QSOX1: variants seen among roughly 807,000 people sequenced by gnomAD.
The protein encoded by QSOX1 is quiescin sulfhydryl oxidase 1, also known as sulfhydryl oxidase 1.
QSOX1 carries 40 observed loss-of-function variants against 76.1 expected under a neutral mutation model. The ratio of observed to expected loss-of-function variants is 0.53; its 90% CI spans 0.41 to 0.68. QSOX1 has a LOEUF of 0.68. QSOX1 is among the 30% of genes least tolerant of loss of function. The pLI is 0.00. For missense variants in QSOX1, 931 were observed against 974.3 expected, an observed-to-expected ratio of 0.96 and a Z score of 0.59; for synonymous variants, 392 against 413.1, an observed-to-expected ratio of 0.95 and a Z score of 0.62.
rs1241151072 is a variant in QSOX1, at chr1:180,199,681, C to T, written c.*2644C>T. The T allele has an allele frequency of 6.6e-6, 1 of 151,998 alleles. No homozygotes were observed. Among genetic ancestry groups the T allele is most frequent in the Non-Finnish European group, 1.5e-5 (1 of 68,038 alleles). 9.4% of individuals were successfully genotyped at this position (151,998 alleles called of 1,614,324 possible). ...CGTGGTCCCTGCTGCTATGGGGCTT[C>T]CGTTCTAGAGGCAAGGACAGGTTGT... On this transcript the variant is annotated 3_prime_UTR_variant, in exon 12 of 12. Transcript: ENST00000367602.
intron 1 of QSOX1, among the ~76,000 whole-genome samples, chr1:180,155,694 T>C (rs1572034917): frequency 1.3e-5 from 2 of 152,350 alleles, no homozygotes; most frequent in East Asian, 1.9e-4. Flanking sequence ...GACCAGGTGG[T>C]ACATAGACTT....
intron 2 of QSOX1, among the ~76,000 whole-genome samples, chr1:180,173,428 A>G (rs1218100751): frequency 1.3e-5 from 2 of 152,282 alleles, no homozygotes; most frequent in Non-Finnish European, 2.9e-5. Flanking sequence ...TAATTTTAAT[A>G]GGCCAATAAA....
chr1:180,169,243 C>T (rs1479744859), intron 2 of QSOX1, among the ~76,000 whole-genome samples: 1 of 152,218 alleles, frequency 6.6e-6, no homozygotes, highest in Non-Finnish European at 1.5e-5. Flanking sequence ...AACCTAGAGG[C>T]TGGAACTTCC....
chr1:180,190,669 A>C, intron 10 of QSOX1, 89 bp downstream of exon 10: 1 of 1,443,512 alleles, frequency 6.9e-7, no homozygotes, highest in Non-Finnish European at 9.4e-7. Flanking sequence ...AGCTCCCTTG[A>C]ATTGCCCCAC....
intron 1 of QSOX1, among the ~76,000 whole-genome samples, chr1:180,159,435 T>TA: frequency 6.6e-6 from 1 of 152,342 alleles, no homozygotes; most frequent in Non-Finnish European, 1.5e-5. Context: ...CATCTCCTGT[T>TA]ACTTGTCAAA....
In QSOX1 at chr1:180,183,971, A is replaced by T; in HGVS notation, c.808A>T (p.Thr270Ser). The T allele has an allele frequency of 6.2e-7, 1 of 1,613,640 alleles. No homozygotes were observed. Among genetic ancestry groups the T allele is most frequent in the Admixed American group, 1.7e-5 (1 of 60,016 alleles). ...TTACCTGCAGAGACTCTCTGGGCTCACCAGGGAGGCTGCCCAGACCACAGT... is the reference window on the plus strand; with the variant it reads ...TTACCTGCAGAGACTCTCTGGGCTCTCCAGGGAGGCTGCCCAGACCACAGT... ...TAYLQRLSGL[T>S]REAAQTTVAP... Residue 270 changes from threonine (T) to serine (S), a missense_variant, in exon 7 of 12, where the codon ACC becomes TCC. By Grantham distance (58) the Thr-to-Ser change is moderately conservative. Coordinates refer to ENST00000367602, the MANE Select transcript of QSOX1 (RefSeq NM_002826.5).
rs1663654162 is a variant in QSOX1 at position 180,202,383 on chromosome 1, A to C, written c.*5346A>C. ...TTAAACCTCCTGCCTCCCCTGCTGC[A>C]GTGCTTTGATGCCTTTCACCTGTGT... On this transcript the variant is annotated 3_prime_UTR_variant, in exon 12 of 12. Coordinates refer to ENST00000367602, the MANE Select transcript of QSOX1 (RefSeq NM_002826.5). The C allele has an allele frequency of 6.6e-6, 1 of 152,252 alleles. No homozygotes were observed. The highest frequency in any genetic ancestry group is 1.5e-5 in the Non-Finnish European group (1 of 68,084). The allele number at this position is 152,252 out of a possible 1,614,324, so 9.4% of individuals were successfully genotyped here.
intron 6 of QSOX1, 28 bp from the exon 7 acceptor site, chr1:180,183,888 T>C: frequency 6.2e-7 from 1 of 1,601,344 alleles, no homozygotes; most frequent in Non-Finnish European, 8.5e-7. Context: ...ACTTACTGCC[T>C]CTCCTCCCTG....
At chr1:180,167,612 G>A (rs544310277) in intron 2 of QSOX1, among the ~76,000 whole-genome samples, 2 of 152,280 alleles carry the variant, frequency 1.3e-5, no homozygotes, top group African/African-American at 4.8e-5. Flanking sequence ...CGAGCCCAGT[G>A]CAACCCCCAC....
At chr1:180,193,420 A>G (rs7542624) in intron 10 of QSOX1, among the ~76,000 whole-genome samples, 42,121 of 151,020 alleles carry the variant, frequency 0.28, 6,262 homozygotes, top group East Asian at 0.46. Flanking sequence ...TGCGGGTCTC[A>G]CCTTGCCAGG....
At chr1:180,166,219 C>T (rs1160942053) in intron 1 of QSOX1, among the ~76,000 whole-genome samples, 1 of 152,166 alleles carries the variant, frequency 6.6e-6, no homozygotes, top group Non-Finnish European at 1.5e-5. Flanking sequence ...TCCCTGGCCC[C>T]GATTAGTAAT....
At chr1:180,191,380 C>T (rs527808306) in intron 10 of QSOX1, among the ~76,000 whole-genome samples, 2 of 152,212 alleles carry the variant, frequency 1.3e-5, no homozygotes, top group Admixed American at 6.5e-5. Context: ...CGAGGCCTTA[C>T]GGGGTGAGTT....
In QSOX1 at chr1:180,183,954, A is replaced by C. The variant is rs754761140; in HGVS notation, c.791A>C (p.Gln264Pro). The C allele has an allele frequency of 6.2e-7, 1 of 1,613,782 alleles. No homozygotes were observed. Among genetic ancestry groups the C allele is most frequent in the African/African-American group, 1.3e-5 (1 of 75,020 alleles). Reference sequence around the variant, plus strand: ...AGGTCCTTCTATACCGCTTACCTGCAGAGACTCTCTGGGCTCACCAGGGAG... The same window carrying C: ...AGGTCCTTCTATACCGCTTACCTGCCGAGACTCTCTGGGCTCACCAGGGAG... ...ESRSFYTAYL[Q>P]RLSGLTREAA... is the part of the protein sequence containing the mutation. Residue 264 changes from glutamine (Q) to proline (P), a missense_variant, in exon 7 of 12, where the codon CAG becomes CCG. Physicochemically the swap from Gln to Pro is moderately conservative, Grantham distance 76. Coordinates refer to ENST00000367602, the MANE Select transcript of QSOX1 (RefSeq NM_002826.5).
chr1:180,173,932 G>A (rs771853882), intron 2 of QSOX1, among the ~76,000 whole-genome samples: 3 of 152,176 alleles, frequency 2.0e-5, no homozygotes, highest in African/African-American at 4.8e-5. Flanking sequence ...CAGTTGATGC[G>A]TTGCCCAAGG....
At chr1:180,194,097 C>T (rs1663395284) in intron 10 of QSOX1, 116 bp from the exon 11 acceptor site, 2 of 870,084 alleles carry the variant, frequency 2.3e-6, no homozygotes, top group African/African-American at 1.7e-5. Context: ...GGGTGTGTGG[C>T]ACCTGTGCAG....
intron 4 of QSOX1, 119 bp downstream of exon 4, chr1:180,176,152 T>G: frequency 3.8e-6 from 3 of 779,608 alleles, no homozygotes; most frequent in South Asian, 3.4e-5. Flanking sequence ...TGCCTTTGCC[T>G]GTGGGGCTCA....
rs535018432 is a variant in QSOX1 at position 180,183,755 on chromosome 1, G to GC, written c.753-159dup. 4.3e-3 allele frequency among the ~76,000 whole-genome samples: 654 copies of GC among 152,338 alleles called. 3 individuals are homozygous for GC. Among genetic ancestry groups the GC allele is most frequent in the Middle Eastern group, 0.01 (3 of 294 alleles). On this transcript the variant is annotated intron_variant, in intron 6 of 11. Transcript: ENST00000367602. Reference sequence around the variant, plus strand: ...AGAAGGGTTACAGCGAGGCCTGGGTGCCGTCTTCTGGCCTCACAGAGGACA... The same window carrying GC: ...AGAAGGGTTACAGCGAGGCCTGGGTGCCCGTCTTCTGGCCTCACAGAGGACA...
At chr1:180,190,635 C>T in intron 10 of QSOX1, 55 bp downstream of exon 10, 2 of 1,535,824 alleles carry the variant, frequency 1.3e-6, no homozygotes, top group Middle Eastern at 2.0e-4. Context: ...CTGTTCGGCC[C>T]TCCAAGGGGA....
intron 2 of QSOX1, among the ~76,000 whole-genome samples, chr1:180,167,682 C>G (rs1206347248): frequency 6.6e-6 from 1 of 152,234 alleles, no homozygotes; most frequent in Non-Finnish European, 1.5e-5. Flanking sequence ...CACATAGGGT[C>G]AGGGCCCCCC....
Sources: allele counts gnomAD v4.1 joint callset (sites outside exome capture counted in the v4.1 genomes callset), GRCh38; gene constraint gnomAD v4.1.1; transcripts MANE v1.5; gene names NCBI Gene and HGNC (gene_info 2026-07-23, HGNC 2026-07-21).